SERPINA6: variants seen among roughly 807,000 people sequenced by gnomAD.
SERPINA6 encodes corticosteroid-binding globulin.
SERPINA6 carries 19 observed loss-of-function variants against 26.4 expected under a neutral mutation model. The ratio of observed to expected loss-of-function variants is 0.72; its 90% CI spans 0.50 to 1.06. The LOEUF (loss-of-function observed/expected upper bound fraction) is 1.06. Ranked by LOEUF, SERPINA6 falls within the 50% of genes least tolerant of loss-of-function variation. SERPINA6 has a pLI of 0.00. For synonymous variants in SERPINA6, 196 were observed against 199.4 expected (o/e 0.98, Z 0.14); for missense variants, 473 against 504.0 (o/e 0.94, Z 0.59).
At chr14:94,304,880 A>G (rs1367044156) in intron 4 of SERPINA6, among the ~76,000 whole-genome samples, 1 of 152,162 alleles carries the variant, frequency 6.6e-6, no homozygotes, top group Non-Finnish European at 1.5e-5. Flanking sequence ...ACTGGGCTTC[A>G]CTGTCCATGT....
chr14:94,311,645 A>C (rs1013748197), intron 2 of SERPINA6, among the ~76,000 whole-genome samples: 4 of 152,154 alleles, frequency 2.6e-5, no homozygotes, highest in African/African-American at 4.8e-5. Context: ...AGTCCGATAA[A>C]TAACACATCA....
In SERPINA6 at chr14:94,314,326, C is replaced by A. The variant is rs1274161889; in HGVS notation, c.323G>T (p.Gly108Val). 2 of 1,614,198 alleles carry A rather than the reference C, an allele frequency of 1.2e-6. No individual in the cohort carries two copies. The highest frequency in any genetic ancestry group is 1.6e-4 in the Middle Eastern group (1 of 6,062). Residue 108 changes from glycine (G) to valine (V), a missense_variant, in exon 2 of 5, where the codon GGT (glycine) becomes GTT (valine). Transcript: ENST00000341584. ...AAAGAGTTGGTGCAGGTGCTGGAAA[C>A]CCTGGTGGATCTCAGTCTCAGACCT... Reference protein sequence around the residue: ...TERSETEIHQGFQHLHQLFAK... With the variant: ...TERSETEIHQVFQHLHQLFAK...
intron 1 of SERPINA6, among the ~76,000 whole-genome samples, chr14:94,321,489 C>T (rs1474982970): frequency 6.6e-6 from 1 of 152,312 alleles, no homozygotes; most frequent in Non-Finnish European, 1.5e-5. Context: ...TCAGCCTTTT[C>T]TCCCACTGTG....
chr14:94,311,735 C>T (rs977161567), intron 2 of SERPINA6, among the ~76,000 whole-genome samples: 4 of 151,946 alleles, frequency 2.6e-5, no homozygotes, highest in African/African-American at 7.3e-5. Flanking sequence ...GTCAGGAGAT[C>T]GAGACCGTCC....
At chr14:94,312,474 G>A (rs1376014522) in intron 2 of SERPINA6, among the ~76,000 whole-genome samples, 3 of 152,236 alleles carry the variant, frequency 2.0e-5, no homozygotes, top group Non-Finnish European at 4.4e-5. Context: ...CAAGGGCACT[G>A]GAATCTCCCA....
In SERPINA6 at chr14:94,319,457, C is replaced by T. The variant is rs1002690118; in HGVS notation, c.-20+3810G>A. ...CCAACAATTTTGCTTCGAGTATATA[C>T]ACCAAAGAACTGCAAGCAGCTAGTC... On this transcript the variant is annotated intron_variant, in intron 1 of 4. Coordinates refer to ENST00000341584, the MANE Select transcript of SERPINA6 (RefSeq NM_001756.4). 5.9e-5 allele frequency among the ~76,000 whole-genome samples: 9 copies of T among 152,230 alleles called. No individual in the cohort carries two copies. The East Asian group carries it at 1.3e-3, about 23-fold the overall frequency.
In SERPINA6 at chr14:94,304,307, G is replaced by A. The variant is rs1895401766; in HGVS notation, c.*111C>T. 9.6e-7 allele frequency: 1 copy of A among 1,047,022 alleles called. No homozygotes were observed. Among genetic ancestry groups the A allele is most frequent in the Non-Finnish European group, 1.5e-6 (1 of 665,632 alleles). 64.9% of individuals were successfully genotyped at this position (1,047,022 alleles called of 1,614,324 possible). A position where few individuals can be genotyped will look rare whatever the true frequency, so the allele number is the denominator to read the frequency against. The stretch of plus-strand genomic sequence containing the variant: ...AAAGTTAGACACAACTCTGGTTGGA[G>A]GGAGAAGAACTTGGAGGAGATTGGG... On this transcript the variant is annotated 3_prime_UTR_variant, in exon 5 of 5. Coordinates refer to ENST00000341584, the MANE Select transcript of SERPINA6 (RefSeq NM_001756.4).
At chr14:94,306,335 G>A (rs1353665325) in intron 3 of SERPINA6, 117 bp from the exon 4 acceptor site, 2 of 1,053,698 alleles carry the variant, frequency 1.9e-6, no homozygotes, top group Non-Finnish European at 2.9e-6. Flanking sequence ...TCCAGCTCCT[G>A]CCCTCCAGCC....
chr14:94,313,821 A>G, intron 2 of SERPINA6: 1 of 700,324 alleles, frequency 1.4e-6, no homozygotes, highest in Non-Finnish European at 2.6e-6. Flanking sequence ...GCCAGAATGT[A>G]GGCACATTGT....
At chr14:94,314,691 A>G in intron 1 of SERPINA6, 24 bp from the exon 2 acceptor site, 2 of 1,604,430 alleles carry the variant, frequency 1.2e-6, no homozygotes, top group Non-Finnish European at 1.7e-6. Flanking sequence ...AAAGCTTGTT[A>G]GATGCTGTGG....
At chr14:94,310,108 C>T in intron 2 of SERPINA6, 102 bp from the exon 3 acceptor site, 1 of 1,145,024 alleles carries the variant, frequency 8.7e-7, no homozygotes, top group South Asian at 1.3e-5. Context: ...CTTCTGCATG[C>T]TTGGAATGTC....
intron 2 of SERPINA6, among the ~76,000 whole-genome samples, chr14:94,311,514 T>C (rs1895529503): frequency 1.3e-5 from 2 of 152,050 alleles, no homozygotes; most frequent in South Asian, 2.1e-4. Flanking sequence ...TCTCAAAAAG[T>C]TCTAGGAGAA....
At chr14:94,305,734 C>T (rs772427621) in intron 4 of SERPINA6, among the ~76,000 whole-genome samples, 2 of 152,198 alleles carry the variant, frequency 1.3e-5, no homozygotes, top group Admixed American at 6.5e-5. Flanking sequence ...TAGACATTTA[C>T]CACTTTTCCT....
At chr14:94,310,057 C>T (rs1244976320) in intron 2 of SERPINA6, 51 bp from the exon 3 acceptor site, 1 of 1,589,892 alleles carries the variant, frequency 6.3e-7, no homozygotes, top group East Asian at 2.3e-5. Context: ...AACACAGTTC[C>T]AGGTGATCTC....
chr14:94,312,279 C>G (rs546154134), intron 2 of SERPINA6, among the ~76,000 whole-genome samples: 1 of 152,316 alleles, frequency 6.6e-6, no homozygotes, highest in Admixed American at 6.5e-5. Flanking sequence ...TGTGAAACCT[C>G]GTACAGAATG....
chr14:94,309,879 C>T lies in SERPINA6; in HGVS notation c.741G>A (p.Glu247=), dbSNP rs200355703. The T allele has an allele frequency of 1.2e-4, 191 of 1,614,166 alleles. No homozygotes were observed. The East Asian group carries it at 4.0e-3, about 34-fold the overall frequency. ...SSTISYLHDS[E]LPCQLVQMNY... ...TCATCTGCACCAGCTGGCAGGGGAG[C>T]TCCGAGTCATGAAGGTAACTGATGG... is the stretch of plus-strand genomic sequence containing the variant. The change falls in exon 3 of 5, where the codon GAG becomes GAA. Residue 247 remains glutamate, a synonymous_variant. Transcript: ENST00000341584.
chr14:94,323,040 A>C (rs1376419352), intron 1 of SERPINA6, among the ~76,000 whole-genome samples: 3 of 152,198 alleles, frequency 2.0e-5, no homozygotes, highest in Non-Finnish European at 4.4e-5. Flanking sequence ...AGCCCCCTGC[A>C]TGGCAGGAAC....
chr14:94,317,544 C>G (rs1179286926), intron 1 of SERPINA6, among the ~76,000 whole-genome samples: 1 of 152,232 alleles, frequency 6.6e-6, no homozygotes, highest in Non-Finnish European at 1.5e-5. Context: ...AGGACTCTCT[C>G]TTGCTTTGCT....
chr14:94,312,387 G>A (rs193058395), intron 2 of SERPINA6, among the ~76,000 whole-genome samples: 110 of 152,304 alleles, frequency 7.2e-4, no homozygotes, highest in African/African-American at 2.5e-3. Flanking sequence ...TGGGTTTACT[G>A]TGCCTTTTCC....
Sources: allele counts gnomAD v4.1 joint callset (sites outside exome capture counted in the v4.1 genomes callset), GRCh38; gene constraint gnomAD v4.1.1; transcripts MANE v1.5; gene names NCBI Gene and HGNC (gene_info 2026-07-23, HGNC 2026-07-21).